Variants in SEMA6D observed in about 807,000 individuals in gnomAD.
SEMA6D encodes semaphorin-6D.
Under a neutral mutation model 106.6 loss-of-function variants are expected in SEMA6D, and 35 were observed. The observed-to-expected ratio is 0.33, with a 90% CI of 0.25 to 0.44. The LOEUF (loss-of-function observed/expected upper bound fraction) is 0.44. SEMA6D is among the 20% of genes least tolerant of loss of function. SEMA6D has a pLI of 1.00. For missense variants in SEMA6D, 1,185 were observed against 1,345.9 expected (o/e 0.88, Z 1.87); for synonymous variants, 499 against 487.7 (o/e 1.02, Z -0.31).
At chr15:47,378,452 C>T (rs752460567) in intron 1 of SEMA6D, among the ~76,000 whole-genome samples, 72 of 152,120 alleles carry the variant, frequency 4.7e-4, no homozygotes, top group Admixed American at 2.0e-3. Context: ...GCTGAGATTG[C>T]GCCACTGCAC....
upstream of SEMA6D, among the ~76,000 whole-genome samples, chr15:47,716,463 T>A (rs998347368): frequency 2.6e-5 from 4 of 152,172 alleles, no homozygotes; most frequent in Admixed American, 1.3e-4. Context: ...CTCTTCTCTC[T>A]TTCACGGTAA....
At chr15:47,683,213 A>G (rs375239328) in intron 4 of SEMA6D, among the ~76,000 whole-genome samples, 18 of 151,914 alleles carry the variant, frequency 1.2e-4, no homozygotes, top group African/African-American at 4.4e-4. Flanking sequence ...CCTCTCACCT[A>G]CCCTTCCCCT....
chr15:47,695,556 A>G (rs547511383), intron 4 of SEMA6D, among the ~76,000 whole-genome samples: 10 of 152,106 alleles, frequency 6.6e-5, no homozygotes, highest in South Asian at 2.1e-4. Context: ...AACACACACA[A>G]ATTTATGGGC....
At chr15:47,227,446 C>CTTTCTTTCTTTCTTTCTTTT (rs2031783439) in intron 1 of SEMA6D, among the ~76,000 whole-genome samples, 1 of 62,406 alleles carries the variant, frequency 1.6e-5, no homozygotes. Context: ...TCTTTTCTTT[C>CTTTCTTTCTTTCTTTCTTTT]TTTTCTTTCT....
At chr15:47,701,211 T>TG (rs1270868098) in intron 4 of SEMA6D, among the ~76,000 whole-genome samples, 1 of 152,166 alleles carries the variant, frequency 6.6e-6, no homozygotes, top group Non-Finnish European at 1.5e-5. Flanking sequence ...AAAGGACTGT[T>TG]GTCCAAAATA....
At chr15:47,702,887 A>AT (rs1331371811) in intron 4 of SEMA6D, among the ~76,000 whole-genome samples, 1 of 152,170 alleles carries the variant, frequency 6.6e-6, no homozygotes, top group South Asian at 2.1e-4. Context: ...AACATAGAAG[A>AT]TTTTTTTAAG....
intron 3 of SEMA6D, among the ~76,000 whole-genome samples, chr15:47,526,768 G>A (rs571377126): frequency 9.2e-5 from 14 of 151,694 alleles, no homozygotes; most frequent in South Asian, 2.1e-4. Flanking sequence ...ACGGAGTCTC[G>A]CACTGTCACC....
chr15:47,770,189 T>C (rs944585851), intron 18 of SEMA6D, among the ~76,000 whole-genome samples: 2 of 152,190 alleles, frequency 1.3e-5, no homozygotes, highest in Non-Finnish European at 2.9e-5. Context: ...TTCTAACTAT[T>C]TTTTAGATAG....
At chr15:47,717,763 A>C in intron 1 of SEMA6D, 71 bp downstream of exon 1, 1 of 124,900 alleles carries the variant, frequency 8.0e-6, no homozygotes, top group African/African-American at 4.0e-5. Flanking sequence ...GAGATCCCGA[A>C]TCGCTGTGTG....
chr15:47,485,044 A>G (rs1269396558), intron 3 of SEMA6D, among the ~76,000 whole-genome samples: 1 of 152,230 alleles, frequency 6.6e-6, no homozygotes, highest in Non-Finnish European at 1.5e-5. Context: ...TAATGTAATG[A>G]TTTATGAATA....
chr15:47,534,132 A>G (rs1466349808), intron 3 of SEMA6D, among the ~76,000 whole-genome samples: 1 of 152,148 alleles, frequency 6.6e-6, no homozygotes, highest in African/African-American at 2.4e-5. Flanking sequence ...GTCCAAGTGT[A>G]CTATGTGTGT....
At chr15:47,474,004 G>T (rs1471491084) in intron 3 of SEMA6D, among the ~76,000 whole-genome samples, 3 of 152,118 alleles carry the variant, frequency 2.0e-5, no homozygotes, top group African/African-American at 7.2e-5. Flanking sequence ...CCGGAAGCCT[G>T]GGAAGGCTGT....
At chr15:47,392,490 A>G (rs962167705) in intron 1 of SEMA6D, among the ~76,000 whole-genome samples, 1 of 139,228 alleles carries the variant, frequency 7.2e-6, no homozygotes. Context: ...TGAGTATGCT[A>G]TGCTGCTGGC....
At chr15:47,477,908 G>A (rs1006355468) in intron 3 of SEMA6D, among the ~76,000 whole-genome samples, 41 of 152,230 alleles carry the variant, frequency 2.7e-4, no homozygotes, top group Middle Eastern at 3.4e-3. Flanking sequence ...TGCCCAATCA[G>A]TTGTTCATAA....
At chr15:47,238,478 A>C (rs1173837890) in intron 1 of SEMA6D, among the ~76,000 whole-genome samples, 1 of 152,116 alleles carries the variant, frequency 6.6e-6, no homozygotes, top group Non-Finnish European at 1.5e-5. Context: ...ACAAAGCCAA[A>C]AGGGCTCCTT....
At chr15:47,760,830 A>G (rs1250805970) in intron 3 of SEMA6D, 148 bp from the exon 4 acceptor site, 2 of 710,896 alleles carry the variant, frequency 2.8e-6, no homozygotes, top group African/African-American at 3.6e-5. Context: ...ACTAATGAAA[A>G]AGTACTCTTT....
chr15:47,714,150 G>A (rs373616237), upstream of SEMA6D, among the ~76,000 whole-genome samples: 11 of 152,094 alleles, frequency 7.2e-5, no homozygotes, highest in African/African-American at 2.4e-4. Context: ...GGAGGAGCCT[G>A]GGTTTCAATC....
chr15:47,314,374 G>T (rs1433147540), intron 1 of SEMA6D, among the ~76,000 whole-genome samples: 3 of 151,456 alleles, frequency 2.0e-5, no homozygotes, highest in Non-Finnish European at 4.4e-5. Flanking sequence ...CGAGGCGGGC[G>T]GATCACGAGG....
chr15:47,639,117 A>C (rs1050377319), intron 4 of SEMA6D, among the ~76,000 whole-genome samples: 8 of 152,152 alleles, frequency 5.3e-5, no homozygotes, highest in African/African-American at 1.9e-4. Flanking sequence ...TAAGGCTCAA[A>C]GGTTGAGGGC....
Sources: gnomAD v4.1 joint callset for allele counts (sites outside exome capture counted in the v4.1 genomes callset) on GRCh38, gnomAD v4.1.1 for gene constraint, MANE v1.5 for transcripts, NCBI Gene and HGNC (gene_info 2026-07-23, HGNC 2026-07-21) for gene names.